The following DOCK3 variants were observed in gnomAD, a reference collection of about 807,000 sequenced individuals.
DOCK3 encodes the protein dedicator of cytokinesis protein 3.
In DOCK3, 60 loss-of-function variants were observed where a neutral mutation model predicts 265.6. The ratio of observed to expected loss-of-function variants is 0.23; its 90% CI spans 0.18 to 0.28. The LOEUF (loss-of-function observed/expected upper bound fraction) is 0.28. Among genes scored for constraint, DOCK3 ranks in the 10% least tolerant of loss-of-function variants. The pLI is 1.00. For synonymous variants in DOCK3, 881 were observed against 938.0 expected, an observed-to-expected ratio of 0.94 and a Z score of 1.11; for missense variants, 1,981 against 2,594.3, an observed-to-expected ratio of 0.76 and a Z score of 5.14.
At chr3:51,004,969 T>A (rs898912673) in intron 5 of DOCK3, among the ~76,000 whole-genome samples, 3 of 150,736 alleles carry the variant, frequency 2.0e-5, no homozygotes, top group African/African-American at 4.9e-5. Flanking sequence ...TTTATTCATT[T>A]AAGATTGGTG....
At chr3:50,948,107 AG>A (rs1377293576) in intron 5 of DOCK3, among the ~76,000 whole-genome samples, 1 of 148,202 alleles carries the variant, frequency 6.7e-6, no homozygotes, top group Non-Finnish European at 1.5e-5. Context: ...CCCAGGCTGG[AG>A]TGCAGTGGCG....
chr3:51,178,470 A>C (rs566921772), intron 12 of DOCK3, among the ~76,000 whole-genome samples: 1 of 152,286 alleles, frequency 6.6e-6, no homozygotes, highest in African/African-American at 2.4e-5. Flanking sequence ...TCACACCCCC[A>C]TTCTGGAGGA....
intron 22 of DOCK3, among the ~76,000 whole-genome samples, chr3:51,251,330 C>T (rs928639465): frequency 6.6e-6 from 1 of 152,118 alleles, no homozygotes; most frequent in African/African-American, 2.4e-5. Context: ...AGTAAACATA[C>T]ATGTGCATGT....
intron 1 of DOCK3, among the ~76,000 whole-genome samples, chr3:50,752,053 A>G (rs916372775): frequency 2.0e-5 from 3 of 152,150 alleles, no homozygotes; most frequent in African/African-American, 7.2e-5. Flanking sequence ...AACACAGCCA[A>G]ACTATATCAC....
intron 1 of DOCK3, among the ~76,000 whole-genome samples, chr3:50,738,831 G>T (rs533257714): frequency 1.8e-4 from 28 of 152,164 alleles, no homozygotes; most frequent in Non-Finnish European, 3.5e-4. Context: ...AGCCCTGTTT[G>T]TGTTAATTTT....
rs142328300 is a variant in DOCK3, at chr3:51,106,784, G to GC, written c.746+16408dup. On this transcript the variant is annotated intron_variant, in intron 9 of 52. Coordinates refer to ENST00000266037, the MANE Select transcript of DOCK3 (RefSeq NM_004947.5). ...AGCATAGTCACTAATAGGAGGGGGT[G>GC]CCCCCCCCAGCCATACTTCAAATGC... Among the ~76,000 whole-genome samples the GC allele has an allele frequency of 8.2e-3, 1,240 of 151,840 alleles. 18 individuals carry two copies. Among genetic ancestry groups the GC allele is most frequent in the African/African-American group, 0.027 (1,132 of 41,412 alleles).
intron 5 of DOCK3, among the ~76,000 whole-genome samples, chr3:51,057,468 A>T (rs2081248307): frequency 6.6e-6 from 1 of 152,162 alleles, no homozygotes. Flanking sequence ...GGAAATAGGG[A>T]TGATTGTGCC....
intron 26 of DOCK3, chr3:51,278,133 T>A (rs1475396248): frequency 2.0e-6 from 2 of 985,344 alleles, no homozygotes; most frequent in Admixed American, 6.1e-5. Context: ...CTAAATGATG[T>A]ACAGGACAGA....
At chr3:51,003,993 CA>C (rs1034270536) in intron 5 of DOCK3, among the ~76,000 whole-genome samples, 1 of 152,122 alleles carries the variant, frequency 6.6e-6, no homozygotes, top group Admixed American at 6.5e-5. Flanking sequence ...GTGTGTTAGG[CA>C]GCCTCTGAAA....
intron 2 of DOCK3, among the ~76,000 whole-genome samples, chr3:50,803,783 G>C (rs956835909): frequency 4.6e-5 from 7 of 151,340 alleles, no homozygotes; most frequent in African/African-American, 1.7e-4. Context: ...GCGGCTGGCT[G>C]GGCGGGGGCT....
chr3:51,038,958 C>T (rs1382048336), intron 5 of DOCK3, among the ~76,000 whole-genome samples: 1 of 151,508 alleles, frequency 6.6e-6, no homozygotes, highest in Admixed American at 6.6e-5. Flanking sequence ...ATATATTTCT[C>T]TACACAGAAT....
rs1415616587 is a variant in DOCK3, at chr3:50,742,657, A to G, written c.38-36018A>G. 2.7e-3 allele frequency among the ~76,000 whole-genome samples: 390 copies of G among 145,906 alleles called. 1 individual carries two copies. Among genetic ancestry groups the G allele is most frequent in the Non-Finnish European group, 4.3e-3 (285 of 65,892 alleles). ...GGGAAGTTTAGAGAAAAAAGAATAA[A>G]AAGAAACGAACAAAGCCTCCAAGAA... On this transcript the variant is annotated intron_variant, in intron 1 of 52. Coordinates refer to ENST00000266037, the MANE Select transcript of DOCK3 (RefSeq NM_004947.5).
chr3:51,249,065 T>A (rs1197399145), intron 22 of DOCK3, among the ~76,000 whole-genome samples: 1 of 143,400 alleles, frequency 7.0e-6, no homozygotes, highest in East Asian at 2.2e-4. Flanking sequence ...GTGAGGAGCG[T>A]CTCCGCCCGG....
intron 20 of DOCK3, 30 bp from the exon 21 acceptor site, chr3:51,237,460 C>A (rs1200099626): frequency 1.9e-6 from 3 of 1,563,744 alleles, no homozygotes; most frequent in Non-Finnish European, 1.7e-6. Flanking sequence ...CTCCAGTGAA[C>A]CCTGATGGCT....
At chr3:50,699,154 A>G (rs2035862589) in intron 1 of DOCK3, among the ~76,000 whole-genome samples, 1 of 152,188 alleles carries the variant, frequency 6.6e-6, no homozygotes, top group Non-Finnish European at 1.5e-5. Context: ...TTTCAGCACC[A>G]TTTGTTGAAG....
At position 50,675,287 on chromosome 3, in the gene DOCK3, G is replaced by C; in HGVS notation, c.24G>C (p.Glu8Asp). Residue 8 changes from glutamate (E) to aspartate (D), a missense_variant, in exon 1 of 53, where the codon GAG becomes GAC. By Grantham distance (45) the Glu-to-Asp change is conservative. Transcript: ENST00000266037. The surrounding 1 kb of genome is among the most constrained non-coding windows in gnomAD (Gnocchi z 6.1). ...CCATGTGGACCCCCACGGAGGAGGA[G>C]AAATACGGCGTAGGTAGGTGAGGCT... MWTPTEE[E>D]KYGVVICSFR... 7.9e-7 allele frequency: 1 copy of C among 1,272,010 alleles called. No homozygotes were observed. 78.8% of individuals were successfully genotyped at this position (1,272,010 alleles called of 1,614,324 possible). A position where few individuals can be genotyped will look rare whatever the true frequency, so the allele number is the denominator to read the frequency against.
intron 46 of DOCK3, 79 bp from the exon 47 acceptor site, chr3:51,360,432 C>T: frequency 6.6e-7 from 1 of 1,504,964 alleles, no homozygotes; most frequent in Non-Finnish European, 9.0e-7. Context: ...TTTTTGATCA[C>T]CAGTCAGTTA....
intron 1 of DOCK3, among the ~76,000 whole-genome samples, chr3:50,766,496 C>G (rs1383139666): frequency 6.6e-6 from 1 of 152,000 alleles, no homozygotes; most frequent in Non-Finnish European, 1.5e-5. Context: ...TGTATATGTG[C>G]CACATTTTCT....
At chr3:51,329,000 A>G (rs767026764) in intron 32 of DOCK3, among the ~76,000 whole-genome samples, 1 of 152,076 alleles carries the variant, frequency 6.6e-6, no homozygotes, top group Non-Finnish European at 1.5e-5. Flanking sequence ...TAAAAATACA[A>G]AAATTAGCTG....
Sources: gnomAD v4.1 joint callset for allele counts (sites outside exome capture counted in the v4.1 genomes callset) on GRCh38, gnomAD v4.1.1 for gene constraint, Gnocchi (gnomAD v3.1) non-coding constraint, MANE v1.5 for transcripts, NCBI Gene and HGNC (gene_info 2026-07-23, HGNC 2026-07-21) for gene names.